Variants in NRG4 observed in about 807,000 individuals in gnomAD.
NRG4 encodes the protein pro-neuregulin-4, membrane-bound isoform.
A neutral mutation model predicts 15.0 loss-of-function variants in NRG4; 10 were observed. The ratio of observed to expected loss-of-function variants is 0.67; its 90% CI spans 0.41 to 1.13. The LOEUF (loss-of-function observed/expected upper bound fraction) is 1.13. Ranked by LOEUF, NRG4 falls within the 50% of genes most tolerant of loss-of-function variation. NRG4 has a pLI of 0.00. For synonymous variants in NRG4, 41 were observed against 50.1 expected, an observed-to-expected ratio of 0.82 and a Z score of 0.77; for missense variants, 139 against 140.2, an observed-to-expected ratio of 0.99 and a Z score of 0.04.
chr15:76,014,537 G>T (rs2034917014), upstream of NRG4, among the ~76,000 whole-genome samples: 1 of 152,074 alleles, frequency 6.6e-6, no homozygotes, highest in South Asian at 2.1e-4. Flanking sequence ...GTAAGGAAGG[G>T]GTCCAGTTTC....
chr15:76,047,270 G>A (rs182807906), intron 4 of NRG4, among the ~76,000 whole-genome samples: 1 of 150,790 alleles, frequency 6.6e-6, no homozygotes, highest in East Asian at 1.9e-4. Context: ...TTCCACTATG[G>A]AGTCTACATC....
downstream of NRG4, chr15:75,936,485 T>C (rs1429065912): frequency 6.6e-6 from 1 of 152,234 alleles, no homozygotes; most frequent in Non-Finnish European, 1.5e-5. Context: ...TTCTACCCTA[T>C]GCCACAACTG....
At chr15:75,962,792 A>G (rs1487951215) in intron 3 of NRG4, among the ~76,000 whole-genome samples, 2 of 152,228 alleles carry the variant, frequency 1.3e-5, no homozygotes, top group East Asian at 3.8e-4. Flanking sequence ...CAATTTCAAC[A>G]TAGTAGCATT....
In NRG4 at chr15:75,941,334, A is replaced by G. The variant is rs528318503; in HGVS notation, c.*2304T>C. Reference sequence around the variant, plus strand: ...TGGAACTCTTATTACTGATGGAAATATAGTGGTATGCAGCTGCTGTAGAAA... The same window carrying G: ...TGGAACTCTTATTACTGATGGAAATGTAGTGGTATGCAGCTGCTGTAGAAA... On this transcript the variant is annotated 3_prime_UTR_variant, in exon 6 of 6. Transcript: ENST00000394907. The G allele has an allele frequency of 3.3e-5, 5 of 152,204 alleles. No individual in the cohort carries two copies. In the South Asian group the frequency reaches 1.0e-3, roughly 31 times the overall value. 9.4% of individuals were successfully genotyped at this position (152,204 alleles called of 1,614,324 possible). A position where few individuals can be genotyped will look rare whatever the true frequency, so the allele number is the denominator to read the frequency against.
intron 5 of NRG4, among the ~76,000 whole-genome samples, chr15:76,024,116 C>T (rs969989360): frequency 6.6e-6 from 1 of 152,246 alleles, no homozygotes; most frequent in African/African-American, 2.4e-5. Context: ...ACTCCTAGCT[C>T]ACCTGCCCCT....
intron 4 of NRG4, 144 bp downstream of exon 4, chr15:75,961,684 T>G (rs1055480520): frequency 3.4e-6 from 2 of 593,206 alleles, no homozygotes. Flanking sequence ...AAAATGAAAT[T>G]AGTAACAAAA....
chr15:76,037,315 G>T (rs986177267), intron 4 of NRG4, among the ~76,000 whole-genome samples: 3 of 152,194 alleles, frequency 2.0e-5, no homozygotes, highest in African/African-American at 7.2e-5. Context: ...GTAGGAAAGA[G>T]TCTTGAATTG....
chr15:75,972,334 A>G (rs898344032), intron 3 of NRG4, among the ~76,000 whole-genome samples: 2 of 152,086 alleles, frequency 1.3e-5, no homozygotes, highest in African/African-American at 4.8e-5. Flanking sequence ...GTTCACTCTG[A>G]TGATAGTTTC....
chr15:76,040,369 C>G (rs996684326), intron 4 of NRG4, among the ~76,000 whole-genome samples: 9 of 152,156 alleles, frequency 5.9e-5, no homozygotes, highest in Admixed American at 3.3e-4. Flanking sequence ...TTCTCCCAGA[C>G]AAGCAAAAGC....
rs1296200045 is a variant in NRG4, at chr15:75,942,364, TG to T, written c.*1273del. The T allele has an allele frequency of 6.6e-6, 1 of 151,626 alleles. No homozygotes were observed. Among genetic ancestry groups the T allele is most frequent in the Admixed American group, 6.6e-5 (1 of 15,220 alleles). The allele number at this position is 151,626 out of a possible 1,614,324, so 9.4% of individuals were successfully genotyped here. On this transcript the variant is annotated 3_prime_UTR_variant, in exon 6 of 6. Coordinates refer to ENST00000394907, the MANE Select transcript of NRG4 (RefSeq NM_138573.4). ...TTTGTCTCAAAAAGTAAAGTAAAAA[TG>T]TGTCAATATTGGTTAAACAAATATA... is the stretch of plus-strand genomic sequence containing the variant.
intron 4 of NRG4, among the ~76,000 whole-genome samples, chr15:76,039,284 C>T (rs1489395983): frequency 6.6e-6 from 1 of 152,100 alleles, no homozygotes; most frequent in East Asian, 1.9e-4. Context: ...GGTGCGAGGC[C>T]AATCCTGAAG....
At chr15:76,034,292 G>C (rs1283997817) in intron 5 of NRG4, among the ~76,000 whole-genome samples, 1 of 152,172 alleles carries the variant, frequency 6.6e-6, no homozygotes, top group Non-Finnish European at 1.5e-5. Context: ...AGGGAATAAT[G>C]GGAAGCACAC....
intron 3 of NRG4, among the ~76,000 whole-genome samples, chr15:75,963,252 G>A (rs1486220983): frequency 2.6e-5 from 4 of 152,148 alleles, no homozygotes; most frequent in East Asian, 1.9e-4. Context: ...TAAGCAAAGC[G>A]GCAGTCTAGA....
At chr15:76,049,165 T>G (rs1166247259) in intron 4 of NRG4, among the ~76,000 whole-genome samples, 1 of 150,774 alleles carries the variant, frequency 6.6e-6, no homozygotes, top group East Asian at 1.9e-4. Context: ...TTCTCAGGCC[T>G]GGGGTAATTA....
chr15:76,031,389 T>C (rs750741353), intron 5 of NRG4, among the ~76,000 whole-genome samples: 4 of 152,052 alleles, frequency 2.6e-5, no homozygotes, highest in Non-Finnish European at 5.9e-5. Flanking sequence ...AAAAGAAATA[T>C]AAAACATAAA....
At chr15:75,948,220 A>G (rs1185937854) in intron 5 of NRG4, among the ~76,000 whole-genome samples, 1 of 152,176 alleles carries the variant, frequency 6.6e-6, no homozygotes, top group Non-Finnish European at 1.5e-5. Context: ...TAAAGCAATC[A>G]TTGCCAAATC....
rs1314818468 is a variant in NRG4, at chr15:75,954,184, TCTA to T, written c.331+1745_331+1747del. ...TTTCTGCATTTCTTTTTTTCTTAGT[TCTA>T]CTGCTATATCTTCAAGTTCACCAAT... is the stretch of plus-strand genomic sequence containing the variant. On this transcript the variant is annotated intron_variant, in intron 5 of 5. Coordinates refer to ENST00000394907, the MANE Select transcript of NRG4 (RefSeq NM_138573.4). Among the ~76,000 whole-genome samples the T allele has an allele frequency of 7.9e-5, 12 of 152,196 alleles. No homozygotes were observed. The East Asian group carries it at 2.1e-3, about 27-fold the overall frequency.
chr15:76,045,259 A>G (rs2035842207), intron 4 of NRG4, among the ~76,000 whole-genome samples: 1 of 151,178 alleles, frequency 6.6e-6, no homozygotes, highest in Non-Finnish European at 1.5e-5. Context: ...ACATCAGTTA[A>G]AATGGCTTTT....
intron 5 of NRG4, among the ~76,000 whole-genome samples, chr15:76,027,497 AATAT>A (rs71444947): frequency 0.036 from 5,288 of 148,550 alleles, 288 homozygotes; most frequent in African/African-American, 0.12. Flanking sequence ...ATAACAGTCA[AATAT>A]ATATATATAT....
Sources: gnomAD v4.1 joint callset for allele counts (sites outside exome capture counted in the v4.1 genomes callset) on GRCh38, gnomAD v4.1.1 for gene constraint, MANE v1.5 for transcripts, NCBI Gene and HGNC (gene_info 2026-07-23, HGNC 2026-07-21) for gene names.